The following ZNHIT6 variants were observed in gnomAD, a reference collection of about 807,000 sequenced individuals.
The protein encoded by ZNHIT6 is box C/D snoRNA protein 1.
In ZNHIT6, 45 loss-of-function variants were observed where a neutral mutation model predicts 57.2. That is an observed-to-expected ratio of 0.79 (90% CI 0.62 to 1.01). ZNHIT6 has a LOEUF of 1.01. Among genes scored for constraint, ZNHIT6 ranks in the 50% least tolerant of loss-of-function variants. ZNHIT6 has a pLI of 0.00. For synonymous variants in ZNHIT6, 188 were observed against 190.0 expected, an observed-to-expected ratio of 0.99 and a Z score of 0.09; for missense variants, 528 against 567.3, an observed-to-expected ratio of 0.93 and a Z score of 0.70.
At chr1:85,706,414 G>GT (rs1344429794) in intron 2 of ZNHIT6, 28 bp downstream of exon 2, 2 of 1,613,236 alleles carry the variant, frequency 1.2e-6, no homozygotes, top group South Asian at 2.2e-5. Context: ...ACAGATACAG[G>GT]TTAAAAGGTA....
chr1:85,670,457 A>G, intron 8 of ZNHIT6, among the ~76,000 whole-genome samples: 1 of 152,292 alleles, frequency 6.6e-6, no homozygotes, highest in East Asian at 1.9e-4. Context: ...ACATATATAT[A>G]TTTTAATGAA....
At chr1:85,662,910 A>G (rs1429091915) in intron 8 of ZNHIT6, among the ~76,000 whole-genome samples, 1 of 152,162 alleles carries the variant, frequency 6.6e-6, no homozygotes. Context: ...GGCCAACTAT[A>G]TATTTTAAAA....
At chr1:85,677,385 A>G (rs1661734065) in intron 7 of ZNHIT6, 72 bp from the exon 8 acceptor site, 1 of 1,238,056 alleles carries the variant, frequency 8.1e-7, no homozygotes, top group African/African-American at 1.5e-5. Context: ...ATGGAGACTA[A>G]GCATTTGTAC....
At chr1:85,668,856 A>C (rs989563867) in intron 8 of ZNHIT6, among the ~76,000 whole-genome samples, 3 of 152,162 alleles carry the variant, frequency 2.0e-5, no homozygotes, top group African/African-American at 7.2e-5. Context: ...TCTACCAAAA[A>C]CTTGTCACAT....
At chr1:85,670,680 T>C (rs1485885139) in intron 8 of ZNHIT6, among the ~76,000 whole-genome samples, 1 of 152,198 alleles carries the variant, frequency 6.6e-6, no homozygotes, top group East Asian at 1.9e-4. Context: ...GTTCTAAAGA[T>C]ACAGAAATTA....
chr1:85,706,054 G>C, intron 4 of ZNHIT6, 24 bp downstream of exon 4: 1 of 1,562,110 alleles, frequency 6.4e-7, no homozygotes, highest in Non-Finnish European at 8.7e-7. Flanking sequence ...CTTCTAACTG[G>C]AAGAAATTAG....
intron 8 of ZNHIT6, among the ~76,000 whole-genome samples, chr1:85,673,680 C>A: frequency 6.6e-6 from 1 of 151,852 alleles, no homozygotes; most frequent in East Asian, 1.9e-4. Context: ...GAATGCTTAT[C>A]TTAAATTAGA....
chr1:85,692,828 T>C (rs1044513786), intron 5 of ZNHIT6, among the ~76,000 whole-genome samples: 2 of 151,922 alleles, frequency 1.3e-5, no homozygotes, highest in Non-Finnish European at 1.5e-5. Flanking sequence ...ATTACTGCAA[T>C]ATAATAAGGA....
intron 8 of ZNHIT6, among the ~76,000 whole-genome samples, chr1:85,662,575 T>C (rs554427106): frequency 1.1e-4 from 16 of 152,340 alleles, no homozygotes; most frequent in South Asian, 4.1e-4. Context: ...ATAATACTTC[T>C]GTGTAACAAT....
intron 5 of ZNHIT6, among the ~76,000 whole-genome samples, chr1:85,686,654 G>A (rs553806216): frequency 6.6e-6 from 1 of 152,226 alleles, no homozygotes; most frequent in South Asian, 2.1e-4. Flanking sequence ...AAGGAGATGA[G>A]TCCAACACGG....
intron 8 of ZNHIT6, among the ~76,000 whole-genome samples, chr1:85,672,169 A>G (rs947466193): frequency 6.6e-6 from 1 of 152,140 alleles, no homozygotes; most frequent in Non-Finnish European, 1.5e-5. Flanking sequence ...ACATGCTCTT[A>G]GCCTCTCCAG....
At chr1:85,666,355 A>G (rs2019166034) in intron 8 of ZNHIT6, among the ~76,000 whole-genome samples, 1 of 152,246 alleles carries the variant, frequency 6.6e-6, no homozygotes, top group African/African-American at 2.4e-5. Flanking sequence ...AGTTTAGTAG[A>G]TTAACATTAC....
chr1:85,680,841 T>A lies in ZNHIT6; in HGVS notation c.1083A>T (p.Glu361Asp). The change falls in exon 6 of 10, where the codon GAA (glutamate) becomes GAT (aspartate). Residue 361 changes from glutamate to aspartate, a missense_variant. Coordinates refer to ENST00000370574, the MANE Select transcript of ZNHIT6 (RefSeq NM_017953.4). The stretch of plus-strand genomic sequence containing the variant: ...TTGAAAGATAGCAGTGATACCTTTT[T>A]TCTATGTACTCAGCTTGACTTTGAG... ...QFPQSQAEYI[E>D]KRVPDDKTIN... The A allele has an allele frequency of 6.2e-7, 1 of 1,610,740 alleles. No homozygotes were observed. Among genetic ancestry groups the A allele is most frequent in the Admixed American group, 1.7e-5 (1 of 59,682 alleles).
rs760208815 is a variant in ZNHIT6, at chr1:85,706,274, C to T, written c.804G>A (p.Gln268=). 6.2e-7 allele frequency: 1 copy of T among 1,611,744 alleles called. No homozygotes were observed. The highest frequency in any genetic ancestry group is 8.5e-7 in the Non-Finnish European group (1 of 1,178,542). Reference sequence around the variant, plus strand: ...CACTTAGGAGATTCATTTCAGTAAACTGTTGTATTGAAATGTATGCAGTTT... The same window carrying T: ...CACTTAGGAGATTCATTTCAGTAAATTGTTGTATTGAAATGTATGCAGTTT... The part of the protein sequence containing the change: ...RDKTAYISIQ[Q]FTEMNLLSDY... Residue 268 remains glutamine (Q), a synonymous_variant, in exon 3 of 10, where the codon CAG becomes CAA. Coordinates refer to ENST00000370574, the MANE Select transcript of ZNHIT6 (RefSeq NM_017953.4).
intron 8 of ZNHIT6, among the ~76,000 whole-genome samples, chr1:85,667,961 A>AAAAAAAAAAATATAT: frequency 3.3e-4 from 6 of 18,200 alleles, no homozygotes; most frequent in African/African-American, 6.4e-4. Flanking sequence ...AAAAAAAAAA[A>AAAAAAAAAAATATAT]ATATATATAT....
chr1:85,673,540 G>C (rs1486800919), intron 8 of ZNHIT6, among the ~76,000 whole-genome samples: 1 of 152,140 alleles, frequency 6.6e-6, no homozygotes, highest in African/African-American at 2.4e-5. Context: ...GCAACATCAA[G>C]TATTTGGTAA....
At chr1:85,692,675 C>T (rs921379199) in intron 5 of ZNHIT6, among the ~76,000 whole-genome samples, 1 of 149,382 alleles carries the variant, frequency 6.7e-6, no homozygotes, top group Non-Finnish European at 1.5e-5. Flanking sequence ...CAATTTGCAG[C>T]AAAGTACAAA....
chr1:85,667,666 C>T (rs1160809818), intron 8 of ZNHIT6, among the ~76,000 whole-genome samples: 1 of 148,056 alleles, frequency 6.8e-6, no homozygotes, highest in African/African-American at 2.5e-5. Context: ...TGTGTGGTGG[C>T]TCACACCTGT....
chr1:85,656,345 C>A, intron 9 of ZNHIT6, among the ~76,000 whole-genome samples: 1 of 152,112 alleles, frequency 6.6e-6, no homozygotes, highest in East Asian at 1.9e-4. Flanking sequence ...GTAAATAAGT[C>A]AAACATCATA....
Sources: gnomAD v4.1 joint callset for allele counts (sites outside exome capture counted in the v4.1 genomes callset) on GRCh38, gnomAD v4.1.1 for gene constraint, MANE v1.5 for transcripts, NCBI Gene and HGNC (gene_info 2026-07-23, HGNC 2026-07-21) for gene names.